C12orf42: variants seen among roughly 807,000 people sequenced by gnomAD.
C12orf42 encodes uncharacterized protein C12orf42.
C12orf42 carries 25 observed loss-of-function variants against 21.6 expected under a neutral mutation model. The observed-to-expected ratio is 1.16, with a 90% confidence interval of 0.84 to 1.62. The LOEUF (loss-of-function observed/expected upper bound fraction) is 1.62. Among genes scored for constraint, C12orf42 ranks in the 40% most tolerant of loss-of-function variants. C12orf42 has a pLI of 0.00. For missense variants in C12orf42, 483 were observed against 459.3 expected (o/e 1.05, Z -0.47); for synonymous variants, 174 against 175.0 (o/e 0.99, Z 0.05).
the C12orf42 span, among the ~76,000 whole-genome samples, chr12:103,125,549 G>A: frequency 6.6e-6 from 1 of 152,134 alleles, no homozygotes; most frequent in Non-Finnish European, 1.5e-5. Context: ...AAGATAGAGG[G>A]AAGAAATGAG....
chr12:103,082,774 A>G, the C12orf42 span, among the ~76,000 whole-genome samples: 2 of 152,264 alleles, frequency 1.3e-5, no homozygotes, highest in Non-Finnish European at 2.9e-5. Flanking sequence ...GAAAATGATC[A>G]AAGAAGCTGT....
intron 2 of C12orf42, among the ~76,000 whole-genome samples, chr12:103,426,158 T>G (rs1949791833): frequency 6.6e-6 from 1 of 151,834 alleles, no homozygotes; most frequent in Non-Finnish European, 1.5e-5. Context: ...AATAACAAAC[T>G]CCTCCGAGCT....
the C12orf42 span, among the ~76,000 whole-genome samples, chr12:103,175,383 A>G: frequency 2.0e-5 from 3 of 152,344 alleles, no homozygotes; most frequent in Admixed American, 2.0e-4. Context: ...TCAACATTGT[A>G]TCTAATAAAC....
chr12:103,451,680 T>G (rs1951951934), intron 2 of C12orf42, among the ~76,000 whole-genome samples: 1 of 152,068 alleles, frequency 6.6e-6, no homozygotes, highest in South Asian at 2.1e-4. Context: ...GAAACAAACT[T>G]AGCCAAACCC....
the C12orf42 span, among the ~76,000 whole-genome samples, chr12:103,211,786 T>C: frequency 6.6e-6 from 1 of 152,224 alleles, no homozygotes; most frequent in Non-Finnish European, 1.5e-5. Context: ...TAAGCTACTA[T>C]GTTCTGGAAT....
At chr12:103,551,168 C>T in the C12orf42 span, among the ~76,000 whole-genome samples, 1 of 152,046 alleles carries the variant, frequency 6.6e-6, no homozygotes, top group South Asian at 2.1e-4. Flanking sequence ...TTCTCCACTT[C>T]TTTTTCTTTC....
intron 5 of C12orf42, among the ~76,000 whole-genome samples, chr12:103,274,287 A>G (rs1041259313): frequency 2.6e-5 from 4 of 152,168 alleles, no homozygotes; most frequent in Admixed American, 2.6e-4. Flanking sequence ...CTAAACATGG[A>G]CTTGGAACTC....
At chr12:103,323,482 CA>C (rs151119096) in intron 4 of C12orf42, among the ~76,000 whole-genome samples, 3 of 151,412 alleles carry the variant, frequency 2.0e-5, no homozygotes, top group African/African-American at 4.8e-5. Context: ...TCAATTCATC[CA>C]AAAAAAATAC....
At chr12:103,398,003 T>C (rs568131146) in intron 3 of C12orf42, among the ~76,000 whole-genome samples, 1 of 152,290 alleles carries the variant, frequency 6.6e-6, no homozygotes, top group South Asian at 2.1e-4. Context: ...ATACAGTCAG[T>C]GCATTAAACA....
At chr12:103,268,734 G>A (rs1233917439) in exon 7 of C12orf42, 1 of 152,126 alleles carries the variant, frequency 6.6e-6, no homozygotes, top group Non-Finnish European at 1.5e-5. Context: ...AAGCTTTGGA[G>A]TGAGGCTGTA....
chr12:103,347,261 G>A (rs1032145282), intron 4 of C12orf42, among the ~76,000 whole-genome samples: 3 of 149,632 alleles, frequency 2.0e-5, no homozygotes, highest in African/African-American at 7.4e-5. Context: ...GTGTCCATGT[G>A]TTCTCATTGT....
chr12:103,404,007 G>A (rs531325526), intron 2 of C12orf42, among the ~76,000 whole-genome samples: 2 of 152,286 alleles, frequency 1.3e-5, no homozygotes, highest in South Asian at 4.1e-4. Flanking sequence ...GTAGTTCAGT[G>A]TACCACCTGA....
chr12:103,480,885 T>C (rs1313163993), intron 1 of C12orf42, among the ~76,000 whole-genome samples: 1 of 151,742 alleles, frequency 6.6e-6, no homozygotes, highest in Non-Finnish European at 1.5e-5. Context: ...AATCTATAAC[T>C]GTTCATTAGA....
At position 103,478,353 on chromosome 12, in the gene C12orf42, A is replaced by T. The variant is rs1316178638; in HGVS notation, c.74T>A (p.Met25Lys). The T allele has an allele frequency of 6.3e-7, 1 of 1,596,242 alleles. No homozygotes were observed. Among genetic ancestry groups the T allele is most frequent in the East Asian group, 2.2e-5 (1 of 44,632 alleles). Residue 25 changes from methionine to lysine, a missense_variant, in exon 2 of 6, where the codon ATG becomes AAG. By Grantham distance (95) the Met-to-Lys change is moderately conservative. Coordinates refer to ENST00000548883, the MANE Select transcript of C12orf42 (RefSeq NM_198521.5). Reference sequence around the variant, plus strand: ...ATAGTATCTCTTATGCATTACCTGCATCCTGTTTGCAAAAGGTCTGATGGT... The same window carrying T: ...ATAGTATCTCTTATGCATTACCTGCTTCCTGTTTGCAAAAGGTCTGATGGT... ...LLTIRPFANR[M>K]QKSPCYIPIV...
chr12:103,093,420 A>C, the C12orf42 span, among the ~76,000 whole-genome samples: 2 of 152,294 alleles, frequency 1.3e-5, no homozygotes, highest in Non-Finnish European at 2.9e-5. Context: ...AGAACAAAAC[A>C]ATCCTTGGTC....
At chr12:103,210,639 CT>C in the C12orf42 span, among the ~76,000 whole-genome samples, 1,891 of 77,728 alleles carry the variant, frequency 0.024, 23 homozygotes, top group African/African-American at 0.064. Flanking sequence ...CCCTCTATTT[CT>C]TTTTTTTTTT....
chr12:103,193,835 C>T, the C12orf42 span, among the ~76,000 whole-genome samples: 1 of 151,934 alleles, frequency 6.6e-6, no homozygotes, highest in African/African-American at 2.4e-5. Context: ...TTTTTGTGAG[C>T]CCAGCATCAC....
the C12orf42 span, among the ~76,000 whole-genome samples, chr12:103,143,935 G>C: frequency 6.6e-6 from 1 of 152,100 alleles, no homozygotes; most frequent in Non-Finnish European, 1.5e-5. Flanking sequence ...ACTATACTAC[G>C]ACTGCTGCTA....
At chr12:103,310,108 C>T (rs2038819950) in intron 4 of C12orf42, among the ~76,000 whole-genome samples, 1 of 152,078 alleles carries the variant, frequency 6.6e-6, no homozygotes, top group Non-Finnish European at 1.5e-5. Flanking sequence ...GGAGGTGGGC[C>T]CTGGTGGGAG....
Sources: gnomAD v4.1 joint callset for allele counts (sites outside exome capture counted in the v4.1 genomes callset) on GRCh38, gnomAD v4.1.1 for gene constraint, MANE v1.5 for transcripts, NCBI Gene and HGNC (gene_info 2026-07-23, HGNC 2026-07-21) for gene names.